Variants in LOC128125817 observed in about 807,000 individuals in gnomAD.
At chr1:41,605,038 G>A in the LOC128125817 span, among the ~76,000 whole-genome samples, 1 of 150,414 alleles carries the variant, frequency 6.6e-6, no homozygotes, top group East Asian at 2.0e-4. Flanking sequence ...CCAGGAGGTA[G>A]AGGCTGTAGT....
chr1:41,619,590 A>C, the LOC128125817 span, among the ~76,000 whole-genome samples: 258 of 152,140 alleles, frequency 1.7e-3, 5 homozygotes, highest in South Asian at 0.016. Flanking sequence ...AGGATGACCT[A>C]CCTCTTTGAG....
the LOC128125817 span, among the ~76,000 whole-genome samples, chr1:41,602,453 TTTCTTCA>T: frequency 0.027 from 4,124 of 152,238 alleles, 184 homozygotes; most frequent in African/African-American, 0.093. Flanking sequence ...AGACTTTATA[TTTCTTCA>T]TAATTTAGTC....
the LOC128125817 span, among the ~76,000 whole-genome samples, chr1:41,623,938 G>A: frequency 6.6e-6 from 1 of 151,996 alleles, no homozygotes; most frequent in Non-Finnish European, 1.5e-5. Context: ...CCACTTCTCT[G>A]CACACATGTT....
At chr1:41,595,171 A>G in the LOC128125817 span, among the ~76,000 whole-genome samples, 1 of 152,308 alleles carries the variant, frequency 6.6e-6, no homozygotes, top group South Asian at 2.1e-4. Context: ...AAGCTGATGA[A>G]ATTCCTCCAA....
the LOC128125817 span, among the ~76,000 whole-genome samples, chr1:41,604,314 T>C: frequency 6.6e-6 from 1 of 152,198 alleles, no homozygotes; most frequent in Non-Finnish European, 1.5e-5. Context: ...TAAATTGTGG[T>C]ATATTCATAT....
the LOC128125817 span, among the ~76,000 whole-genome samples, chr1:41,608,114 C>T: frequency 6.6e-6 from 1 of 152,210 alleles, no homozygotes; most frequent in Non-Finnish European, 1.5e-5. Flanking sequence ...GGAATACTAA[C>T]TACATAGGGC....
At chr1:41,621,042 C>T in the LOC128125817 span, among the ~76,000 whole-genome samples, 2 of 152,200 alleles carry the variant, frequency 1.3e-5, no homozygotes, top group African/African-American at 2.4e-5. Context: ...TCACTTGCCA[C>T]GTTTGAGCTT....
At chr1:41,615,266 C>T in the LOC128125817 span, among the ~76,000 whole-genome samples, 2 of 152,188 alleles carry the variant, frequency 1.3e-5, no homozygotes, top group Non-Finnish European at 2.9e-5. Context: ...TAAAGAACTT[C>T]CAGCATGTTC....
chr1:41,618,517 G>T, the LOC128125817 span, among the ~76,000 whole-genome samples: 1 of 152,180 alleles, frequency 6.6e-6, no homozygotes, highest in African/African-American at 2.4e-5. Flanking sequence ...TGACAGCAGC[G>T]TCTGCCTGCC....
the LOC128125817 span, chr1:41,628,667 G>A: frequency 9.8e-7 from 1 of 1,016,384 alleles, no homozygotes; most frequent in South Asian, 5.0e-5. Context: ...ACATTTTTCA[G>A]AGGAAGAACT....
At chr1:41,603,102 T>C in the LOC128125817 span, among the ~76,000 whole-genome samples, 37 of 152,320 alleles carry the variant, frequency 2.4e-4, no homozygotes, top group South Asian at 7.5e-3. Flanking sequence ...AGTCTCGCCC[T>C]GTCACCCAGG....
At chr1:41,595,107 T>A in the LOC128125817 span, among the ~76,000 whole-genome samples, 2 of 152,238 alleles carry the variant, frequency 1.3e-5, no homozygotes, top group Non-Finnish European at 2.9e-5. Flanking sequence ...TTTTTGCTAA[T>A]TCCCCATGTG....
chr1:41,618,261 G>A, the LOC128125817 span, among the ~76,000 whole-genome samples: 3 of 152,228 alleles, frequency 2.0e-5, no homozygotes, highest in Non-Finnish European at 4.4e-5. Flanking sequence ...GTCTCCTTGC[G>A]CTCAGCAGAC....
the LOC128125817 span, among the ~76,000 whole-genome samples, chr1:41,598,147 G>A: frequency 1.4e-3 from 207 of 152,270 alleles, 1 homozygote; most frequent in African/African-American, 4.8e-3. Flanking sequence ...TGAGAGTTGC[G>A]CAGGCCCAGC....
At chr1:41,588,444 C>T in the LOC128125817 span, among the ~76,000 whole-genome samples, 1 of 152,136 alleles carries the variant, frequency 6.6e-6, no homozygotes, top group African/African-American at 2.4e-5. Context: ...GCCTTCTCCC[C>T]TCACTGAGCC....
chr1:41,593,795 G>C, the LOC128125817 span, among the ~76,000 whole-genome samples: 1 of 152,182 alleles, frequency 6.6e-6, no homozygotes, highest in Non-Finnish European at 1.5e-5. Context: ...CTTATAGTTC[G>C]AGTGGTCAGA....
At chr1:41,617,490 C>T in the LOC128125817 span, among the ~76,000 whole-genome samples, 3 of 152,226 alleles carry the variant, frequency 2.0e-5, no homozygotes, top group African/African-American at 7.2e-5. Context: ...TATTCTGTTA[C>T]CCAGTTTCTT....
At chr1:41,624,528 G>C in the LOC128125817 span, among the ~76,000 whole-genome samples, 1 of 152,166 alleles carries the variant, frequency 6.6e-6, no homozygotes. Flanking sequence ...GAAGAGTGGA[G>C]CTCTTCACTG....
At chr1:41,597,182 C>G in the LOC128125817 span, among the ~76,000 whole-genome samples, 1 of 152,110 alleles carries the variant, frequency 6.6e-6, no homozygotes, top group Non-Finnish European at 1.5e-5. Context: ...CAATCCTAGA[C>G]GAGTTAGACC....
Sources: gnomAD v4.1 joint callset for allele counts (sites outside exome capture counted in the v4.1 genomes callset) on GRCh38, gnomAD v4.1.1 for gene constraint, MANE v1.5 for transcripts.